FOXP1: variants seen among roughly 807,000 people sequenced by gnomAD.
FOXP1 encodes forkhead box P1.
Under a neutral mutation model 98.2 loss-of-function variants are expected in FOXP1, and 15 were observed. The observed-to-expected ratio is 0.15, with a 90% confidence interval of 0.10 to 0.24. The LOEUF (loss-of-function observed/expected upper bound fraction) is 0.24, where lower values mean the gene tolerates loss of function less well. Among genes scored for constraint, FOXP1 ranks in the 10% least tolerant of loss-of-function variants. The probability of loss-of-function intolerance (pLI) is 1.00; values close to 1 mark genes in which losing one functional copy is unlikely to be tolerated. For missense variants in FOXP1, 633 were observed against 848.5 expected (o/e 0.75, Z 3.15); for synonymous variants, 371 against 314.5 (o/e 1.18, Z -1.90).
intron 7 of FOXP1, among the ~76,000 whole-genome samples, chr3:71,078,201 C>T (rs1243958245): frequency 6.6e-6 from 1 of 152,168 alleles, no homozygotes; most frequent in Non-Finnish European, 1.5e-5. Flanking sequence ...CTTTCTCCAC[C>T]TGTGGTGCGT....
intron 2 of FOXP1, among the ~76,000 whole-genome samples, chr3:71,500,335 G>A (rs1451832082): frequency 6.6e-6 from 1 of 152,208 alleles, no homozygotes; most frequent in African/African-American, 2.4e-5. Flanking sequence ...ACAATCTCCT[G>A]AATATTCCAT....
In FOXP1 at chr3:71,080,485, GGAATTCACTAGCGT is replaced by G. The variant is rs141878082; in HGVS notation, c.283-26726_283-26713del. Among the ~76,000 whole-genome samples the G allele has an allele frequency of 3.4e-3, 515 of 152,272 alleles. 10 individuals are homozygous for G. The East Asian group carries it at 0.061, about 18-fold the overall frequency. On this transcript the variant is annotated intron_variant, in intron 7 of 20. Coordinates refer to ENST00000649528, the MANE Select transcript of FOXP1 (RefSeq NM_001349338.3). ...AGAATAGGAGCTACTATTTACAATG[GGAATTCACTAGCGT>G]GACCACATCAATAAATGTTTAACTT... is the stretch of plus-strand genomic sequence containing the variant.
intron 6 of FOXP1, among the ~76,000 whole-genome samples, chr3:71,162,226 C>T (rs774998885): frequency 6.6e-5 from 10 of 152,196 alleles, no homozygotes; most frequent in Non-Finnish European, 1.5e-4. Flanking sequence ...ACAGCATTTA[C>T]CATTAGCAAG....
Position 71,145,210 on chromosome 3 carries a change from G to C in FOXP1, c.181-32573C>G, listed in dbSNP as rs371863162. Among the ~76,000 whole-genome samples, 71 of 152,202 alleles carry C rather than the reference G, an allele frequency of 4.7e-4. 1 individual carries two copies. In the South Asian group the frequency reaches 5.2e-3, roughly 11 times the overall value. ...TACATATACAAGAGTATGAGTAACT[G>C]TATGTTTATTTTTATTTATTTATTT... On this transcript the variant is annotated intron_variant, in intron 6 of 20. Transcript: ENST00000649528.
At chr3:71,514,678 T>C (rs1266120108) in intron 2 of FOXP1, among the ~76,000 whole-genome samples, 3 of 152,194 alleles carry the variant, frequency 2.0e-5, no homozygotes, top group Non-Finnish European at 4.4e-5. Context: ...TTTTTCTCCT[T>C]CATACAAGTT....
chr3:70,999,858 G>A (rs2041888881), intron 13 of FOXP1, among the ~76,000 whole-genome samples: 1 of 152,134 alleles, frequency 6.6e-6, no homozygotes, highest in Non-Finnish European at 1.5e-5. Context: ...TCGCTGTCTT[G>A]CATACAAAAT....
rs9830514 is a variant in FOXP1 at position 71,402,193 on chromosome 3, A to G, written c.-167-42949T>C. On this transcript the variant is annotated intron_variant, in intron 3 of 20. Coordinates refer to ENST00000649528, the MANE Select transcript of FOXP1 (RefSeq NM_001349338.3). The stretch of plus-strand genomic sequence containing the variant: ...TCACAGGCCGGGCGCGGTGGCTCAC[A>G]CCCACAAACCCAGCACTTTGGGAGG... Among the ~76,000 whole-genome samples, 753 of 152,280 alleles carry G rather than the reference A, an allele frequency of 4.9e-3. 9 individuals are homozygous for G. The highest frequency in any genetic ancestry group is 0.017 in the African/African-American group (699 of 41,566).
At chr3:71,058,201 TG>T (rs1231693288) in intron 7 of FOXP1, among the ~76,000 whole-genome samples, 1 of 152,134 alleles carries the variant, frequency 6.6e-6, no homozygotes, top group African/African-American at 2.4e-5. Context: ...GAAAATAACA[TG>T]TTATCATTTT....
At chr3:71,487,159 A>T (rs1358401455) in intron 3 of FOXP1, among the ~76,000 whole-genome samples, 1 of 148,288 alleles carries the variant, frequency 6.7e-6, no homozygotes, top group African/African-American at 2.5e-5. Flanking sequence ...ACGCAAATTG[A>T]AAAAAAAAAC....
intron 4 of FOXP1, among the ~76,000 whole-genome samples, chr3:71,313,659 G>A (rs1046311672): frequency 3.3e-5 from 5 of 151,496 alleles, no homozygotes; most frequent in African/African-American, 7.3e-5. Flanking sequence ...CCGATTAGCT[G>A]GGACTACAGG....
chr3:71,423,688 G>A (rs182540577), intron 3 of FOXP1, among the ~76,000 whole-genome samples: 3 of 152,272 alleles, frequency 2.0e-5, no homozygotes, highest in African/African-American at 4.8e-5. Context: ...TGGCCTGTGT[G>A]GATTTCTCAG....
At chr3:71,530,954 G>T (rs1455979010) in intron 2 of FOXP1, among the ~76,000 whole-genome samples, 1 of 152,158 alleles carries the variant, frequency 6.6e-6, no homozygotes, top group Non-Finnish European at 1.5e-5. Context: ...CCCCAAATGG[G>T]CCCCCACCAT....
intron 3 of FOXP1, among the ~76,000 whole-genome samples, chr3:71,486,095 A>C (rs2090625643): frequency 6.6e-6 from 1 of 152,208 alleles, no homozygotes; most frequent in Admixed American, 6.5e-5. Flanking sequence ...TGGTTAAGAC[A>C]AAGGTTTTGA....
At chr3:71,094,597 G>A (rs2056274942) in intron 7 of FOXP1, among the ~76,000 whole-genome samples, 1 of 152,132 alleles carries the variant, frequency 6.6e-6, no homozygotes, top group Admixed American at 6.5e-5. Context: ...CCATTCTAAG[G>A]CCTGTTTCCT....
intron 5 of FOXP1, among the ~76,000 whole-genome samples, chr3:71,253,523 T>C (rs777225325): frequency 3.9e-5 from 6 of 152,212 alleles, no homozygotes; most frequent in Non-Finnish European, 7.3e-5. Context: ...CAGTATTTAA[T>C]GATAATAAAG....
At chr3:71,389,179 G>C (rs1029576141) in intron 3 of FOXP1, among the ~76,000 whole-genome samples, 1 of 140,040 alleles carries the variant, frequency 7.1e-6, no homozygotes, top group African/African-American at 2.7e-5. Flanking sequence ...TTCCGATATG[G>C]TGCAAATTCA....
At chr3:71,530,004 G>A (rs2043704479) in intron 2 of FOXP1, among the ~76,000 whole-genome samples, 1 of 152,162 alleles carries the variant, frequency 6.6e-6, no homozygotes, top group South Asian at 2.1e-4. Context: ...CCAAAGCAGG[G>A]GCAGTCTAGT....
chr3:71,276,701 G>A (rs530049761), intron 5 of FOXP1, among the ~76,000 whole-genome samples: 4 of 152,234 alleles, frequency 2.6e-5, no homozygotes, highest in Middle Eastern at 3.4e-3. Context: ...CAGTGACCAC[G>A]TAAGAGCGAT....
intron 5 of FOXP1, among the ~76,000 whole-genome samples, chr3:71,222,125 C>G (rs1176539667): frequency 6.6e-6 from 1 of 152,102 alleles, no homozygotes. Context: ...TGCACTCCAG[C>G]CTGGTGCCAG....
Sources: allele counts gnomAD v4.1 joint callset (sites outside exome capture counted in the v4.1 genomes callset), GRCh38; gene constraint gnomAD v4.1.1; transcripts MANE v1.5; gene names NCBI Gene and HGNC (gene_info 2026-07-23, HGNC 2026-07-21).